Variants in PCDH11X observed in about 807,000 individuals in gnomAD.
PCDH11X encodes the protein protocadherin-11 X-linked.
Under a neutral mutation model 53.3 loss-of-function variants are expected in PCDH11X, and 18 were observed. That is an observed-to-expected ratio of 0.34 (90% CI 0.23 to 0.50). PCDH11X has a LOEUF of 0.50. Ranked by LOEUF, PCDH11X falls within the 20% of genes least tolerant of loss-of-function variation. The pLI, the probability that PCDH11X is intolerant of heterozygous loss-of-function variation, is 0.98. For synonymous variants in PCDH11X, 279 were observed against 393.3 expected, an observed-to-expected ratio of 0.71 and a Z score of 3.44; for missense variants, 570 against 1,032.4, an observed-to-expected ratio of 0.55 and a Z score of 6.14.
intron 10 of PCDH11X, among the ~76,000 whole-genome samples, chrX:92,585,930 A>AT (rs1193792140): frequency 4.6e-4 from 45 of 98,223 alleles, no homozygotes; most frequent in African/African-American, 1.7e-3. Context: ...TTCATGGGTT[A>AT]TTTTTAGTTG....
chrX:92,127,098 A>G (rs776907904), intron 6 of PCDH11X, among the ~76,000 whole-genome samples: 1 of 111,349 alleles, frequency 9.0e-6, no homozygotes, highest in African/African-American at 3.3e-5. Flanking sequence ...TGAAAAACAG[A>G]GATATATGAA....
chrX:91,901,196 G>C (rs1288910463), intron 6 of PCDH11X, among the ~76,000 whole-genome samples: 1 of 111,448 alleles, frequency 9.0e-6, no homozygotes, highest in Middle Eastern at 4.2e-3. Context: ...ATGTGACTGG[G>C]ATATAACAGG....
chrX:92,607,615 C>G (rs2750698), intron 10 of PCDH11X, among the ~76,000 whole-genome samples: 1 of 111,742 alleles, frequency 8.9e-6, no homozygotes, highest in Non-Finnish European at 1.9e-5. Flanking sequence ...AAGATATAAA[C>G]TACATCTCAC....
At chrX:92,132,622 AATATATATATATGTATATAT>A (rs1569376457) in intron 6 of PCDH11X, among the ~76,000 whole-genome samples, 9 of 83,774 alleles carry the variant, frequency 1.1e-4, no homozygotes, top group African/African-American at 4.1e-4. Context: ...GAAAAAAAGA[AATATATATATATGTATATAT>A]ATATATATAT....
At chrX:92,153,306 C>A (rs764788104) in intron 6 of PCDH11X, among the ~76,000 whole-genome samples, 2 of 103,982 alleles carry the variant, frequency 1.9e-5, no homozygotes, top group African/African-American at 7.0e-5. Flanking sequence ...GATTGCAATG[C>A]CATCTTATAT....
intron 7 of PCDH11X, among the ~76,000 whole-genome samples, chrX:92,261,829 G>C (rs1273947807): frequency 9.0e-6 from 1 of 111,440 alleles, no homozygotes; most frequent in Non-Finnish European, 1.9e-5. Flanking sequence ...TTTAAAGACA[G>C]AGAAATCCAA....
intron 6 of PCDH11X, among the ~76,000 whole-genome samples, chrX:91,890,587 G>C (rs1180490972): frequency 9.0e-6 from 1 of 110,889 alleles, no homozygotes; most frequent in Non-Finnish European, 1.9e-5. Context: ...AGACAAATTT[G>C]TTTTCCATAA....
Position 92,534,376 on chromosome X carries a change from G to T in PCDH11X, c.3367+66054G>T, listed in dbSNP as rs906556827. 4.1e-4 allele frequency among the ~76,000 whole-genome samples: 46 copies of T among 111,146 alleles called. No homozygotes were observed. In the Admixed American group the frequency reaches 4.3e-3, roughly 10 times the overall value. ...AGAAAAAAAGGGTAAAAATAAACGA[G>T]CAAAGCCTCCAAGACATATGGGACT... On this transcript the variant is annotated intron_variant, in intron 10 of 10. Coordinates refer to ENST00000682573, the MANE Select transcript of PCDH11X (RefSeq NM_032968.5).
intron 9 of PCDH11X, among the ~76,000 whole-genome samples, chrX:92,457,178 G>T (rs987023820): frequency 3.9e-4 from 43 of 109,646 alleles, no homozygotes; most frequent in Non-Finnish European, 7.8e-4. Flanking sequence ...TCTTTGATAT[G>T]ATTTCCCTAA....
intron 7 of PCDH11X, among the ~76,000 whole-genome samples, chrX:92,253,515 T>C (rs2067501124): frequency 8.9e-6 from 1 of 112,086 alleles, no homozygotes; most frequent in South Asian, 3.7e-4. Context: ...ATTGAATCTG[T>C]AGACTGCTGT....
At chrX:92,409,070 G>T (rs1301501835) in intron 9 of PCDH11X, among the ~76,000 whole-genome samples, 21 of 103,383 alleles carry the variant, frequency 2.0e-4, no homozygotes, top group Admixed American at 7.1e-4. Context: ...ACTAGAGGAG[G>T]TGGTGGACAA....
At chrX:92,275,687 T>C (rs1029111215) in intron 8 of PCDH11X, among the ~76,000 whole-genome samples, 6 of 111,978 alleles carry the variant, frequency 5.4e-5, no homozygotes, top group Non-Finnish European at 1.1e-4. Flanking sequence ...GTAAGGCTTG[T>C]CTGGTTTTAG....
At chrX:91,879,790 A>G (rs1939808130) in intron 6 of PCDH11X, 1 of 745,140 alleles carries the variant, frequency 1.3e-6, no homozygotes, top group African/African-American at 2.7e-5. Flanking sequence ...CTCATAAAGA[A>G]AAGTGTCGTT....
intron 6 of PCDH11X, among the ~76,000 whole-genome samples, chrX:92,137,215 A>G: frequency 9.0e-6 from 1 of 111,143 alleles, no homozygotes; most frequent in East Asian, 2.9e-4. Context: ...ACATATACAC[A>G]CATACCATTA....
In PCDH11X at chrX:92,142,322, A is replaced by G. The variant is rs542456202; in HGVS notation, c.3034-59053A>G. ...CAGGCATGCGCCACCATATCCAGCT[A>G]ATTTTGTATTTTTAGTAGAGACAGT... On this transcript the variant is annotated intron_variant, in intron 6 of 10. Coordinates refer to ENST00000682573, the MANE Select transcript of PCDH11X (RefSeq NM_032968.5). 2.8e-5 allele frequency among the ~76,000 whole-genome samples: 3 copies of G among 108,202 alleles called. No individual in the cohort carries two copies. In the East Asian group the frequency reaches 8.8e-4, roughly 32 times the overall value. 94.0% of individuals were successfully genotyped at this position (108,202 alleles called of 115,157 possible). A position where few individuals can be genotyped will look rare whatever the true frequency, so the allele number is the denominator to read the frequency against.
intron 10 of PCDH11X, among the ~76,000 whole-genome samples, chrX:92,484,167 GTATATA>G (rs759954092): frequency 2.8e-5 from 1 of 35,092 alleles, no homozygotes; most frequent in African/African-American, 9.2e-5. Context: ...ATGTATATAT[GTATATA>G]TATGTATGTA....
At chrX:91,821,548 G>C (rs1428176377) in intron 4 of PCDH11X, among the ~76,000 whole-genome samples, 2 of 109,379 alleles carry the variant, frequency 1.8e-5, no homozygotes, top group African/African-American at 6.8e-5. Context: ...TGCTGAAGTT[G>C]TTTATCAGCT....
At chrX:92,004,246 C>A (rs1416054399) in intron 6 of PCDH11X, among the ~76,000 whole-genome samples, 2 of 111,668 alleles carry the variant, frequency 1.8e-5, no homozygotes, top group African/African-American at 6.5e-5. Flanking sequence ...AGAGAAAATG[C>A]CAGATATTAT....
At chrX:92,310,255 T>C (rs767536675) in intron 8 of PCDH11X, among the ~76,000 whole-genome samples, 1 of 112,503 alleles carries the variant, frequency 8.9e-6, no homozygotes, top group Admixed American at 9.4e-5. Flanking sequence ...AGGCTGAAAA[T>C]TTATGTTTAA....
Sources: allele counts gnomAD v4.1 joint callset (sites outside exome capture counted in the v4.1 genomes callset), GRCh38; gene constraint gnomAD v4.1.1; transcripts MANE v1.5; gene names NCBI Gene and HGNC (gene_info 2026-07-23, HGNC 2026-07-21).